The following ANKS1B variants were observed in gnomAD, a reference collection of about 807,000 sequenced individuals.
The protein encoded by ANKS1B is ankyrin repeat and sterile alpha motif domain containing 1B.
In ANKS1B, 36 loss-of-function variants were observed where a neutral mutation model predicts 148.3. That is an observed-to-expected ratio of 0.24 (90% CI 0.19 to 0.32). The LOEUF is 0.32. Ranked by LOEUF, ANKS1B falls within the 10% of genes least tolerant of loss-of-function variation. The pLI is 1.00. For synonymous variants in ANKS1B, 542 were observed against 560.8 expected (o/e 0.97, Z 0.47); for missense variants, 1,157 against 1,542.6 (o/e 0.75, Z 4.19).
At chr12:98,974,003 G>A (rs779959901) in intron 17 of ANKS1B, among the ~76,000 whole-genome samples, 45 of 152,164 alleles carry the variant, frequency 3.0e-4, no homozygotes, top group Non-Finnish European at 5.1e-4. Flanking sequence ...GTGGGGATGC[G>A]GGTCTTAAAA....
At chr12:99,913,272 C>T (rs1445678867) in intron 1 of ANKS1B, among the ~76,000 whole-genome samples, 3 of 152,044 alleles carry the variant, frequency 2.0e-5, no homozygotes, top group East Asian at 1.9e-4. Context: ...TTCATTTCCT[C>T]GATCTAGCCA....
intron 8 of ANKS1B, among the ~76,000 whole-genome samples, chr12:99,768,036 C>G (rs1324311922): frequency 6.6e-6 from 1 of 152,034 alleles, no homozygotes; most frequent in Non-Finnish European, 1.5e-5. Flanking sequence ...ACAACAAAAG[C>G]TAAACTGAAC....
chr12:99,880,704 C>T (rs1366558560), intron 1 of ANKS1B, among the ~76,000 whole-genome samples: 1 of 152,154 alleles, frequency 6.6e-6, no homozygotes, highest in African/African-American at 2.4e-5. Flanking sequence ...AAATCATTCA[C>T]TCTGATTATA....
intron 12 of ANKS1B, among the ~76,000 whole-genome samples, chr12:99,360,155 C>T (rs1421101584): frequency 6.6e-6 from 1 of 152,142 alleles, no homozygotes; most frequent in Non-Finnish European, 1.5e-5. Context: ...TGACTGGCAG[C>T]AAAATGCATT....
chr12:98,937,782 T>C (rs1452536326), intron 17 of ANKS1B, among the ~76,000 whole-genome samples: 1 of 152,136 alleles, frequency 6.6e-6, no homozygotes, highest in Non-Finnish European at 1.5e-5. Flanking sequence ...GGGCAATTTA[T>C]GAAGAAAAGA....
chr12:99,030,746 C>G (rs1180353206), intron 17 of ANKS1B, among the ~76,000 whole-genome samples: 1 of 152,172 alleles, frequency 6.6e-6, no homozygotes, highest in African/African-American at 2.4e-5. Context: ...CCAGTTGTCT[C>G]TCCATCATCT....
At chr12:98,994,766 T>C (rs2099928547) in intron 17 of ANKS1B, among the ~76,000 whole-genome samples, 2 of 152,142 alleles carry the variant, frequency 1.3e-5, no homozygotes. Flanking sequence ...TCTGAGCATG[T>C]TTATGTCCCA....
chr12:99,470,511 TTTC>T (rs1377314207), intron 10 of ANKS1B, among the ~76,000 whole-genome samples: 2 of 152,156 alleles, frequency 1.3e-5, no homozygotes, highest in Non-Finnish European at 2.9e-5. Flanking sequence ...AAGGTCATGG[TTTC>T]TTCATTAGTA....
intron 19 of ANKS1B, among the ~76,000 whole-genome samples, chr12:98,826,399 C>T (rs1173270190): frequency 1.3e-5 from 2 of 152,010 alleles, no homozygotes; most frequent in Non-Finnish European, 2.9e-5. Context: ...TTAAATTTAT[C>T]TCAATTTAAC....
intron 17 of ANKS1B, among the ~76,000 whole-genome samples, chr12:98,852,728 TG>T (rs1417691112): frequency 1.3e-5 from 2 of 152,186 alleles, no homozygotes; most frequent in Admixed American, 1.3e-4. Flanking sequence ...CGTATCTTTC[TG>T]CCACAAAGCC....
chr12:99,786,597 C>T (rs1009437857), intron 4 of ANKS1B, among the ~76,000 whole-genome samples: 2 of 152,136 alleles, frequency 1.3e-5, no homozygotes, highest in African/African-American at 4.8e-5. Flanking sequence ...GAATGCCTAA[C>T]CACAATTCTA....
chr12:99,964,021 A>G (rs2095452511), intron 1 of ANKS1B, among the ~76,000 whole-genome samples: 1 of 152,194 alleles, frequency 6.6e-6, no homozygotes, highest in Admixed American at 6.5e-5. Flanking sequence ...CACTTTGCTG[A>G]TAATTATGAT....
intron 15 of ANKS1B, among the ~76,000 whole-genome samples, chr12:99,120,918 T>C (rs2062635819): frequency 6.6e-6 from 1 of 152,068 alleles, no homozygotes; most frequent in South Asian, 2.1e-4. Context: ...CATTGCATAA[T>C]GGGAGAAGAA....
intron 17 of ANKS1B, among the ~76,000 whole-genome samples, chr12:98,920,713 C>T (rs1414279542): frequency 3.9e-5 from 6 of 152,192 alleles, no homozygotes; most frequent in Non-Finnish European, 8.8e-5. Context: ...TTACTAAGTA[C>T]ACAGAAAAAT....
chr12:99,603,020 T>C (rs1464259556), intron 9 of ANKS1B, among the ~76,000 whole-genome samples: 1 of 152,042 alleles, frequency 6.6e-6, no homozygotes, highest in Non-Finnish European at 1.5e-5. Flanking sequence ...CTCCTGATTA[T>C]TTACATAAAT....
chr12:98,794,099 T>C (rs1340457302), intron 22 of ANKS1B, among the ~76,000 whole-genome samples: 1 of 152,086 alleles, frequency 6.6e-6, no homozygotes, highest in East Asian at 1.9e-4. Context: ...TATTTAAAAG[T>C]GGTAATTCTT....
rs993428812 is a variant in ANKS1B at position 98,829,140 on chromosome 12, T to C, written c.3066+34A>G. ...TATTAAAAGGCATTACCTGATATGG[T>C]TGAAAAATATCACAAAGGCTTATAA... On this transcript the variant is annotated intron_variant, in intron 19 of 26. Transcript: ENST00000683438. The surrounding 1 kb of genome is among the most constrained non-coding windows in gnomAD (Gnocchi z 5.2). 3.1e-5 allele frequency: 50 copies of C among 1,612,992 alleles called. No homozygotes were observed. The highest frequency in any genetic ancestry group is 3.6e-5 in the Non-Finnish European group (43 of 1,179,330).
chr12:99,665,505 C>T lies in ANKS1B; in HGVS notation c.1129-10295G>A, dbSNP rs1395913653. Among the ~76,000 whole-genome samples, 9 of 150,222 alleles carry T rather than the reference C, an allele frequency of 6.0e-5. 1 individual carries two copies. The highest frequency in any genetic ancestry group is 1.2e-4 in the Non-Finnish European group (8 of 67,738). On this transcript the variant is annotated intron_variant, in intron 8 of 26. Transcript: ENST00000683438. ...TTCGACTTCTTTTTTTTTTTTTAGACGGAGTATCACTCTGTTGCCCAGGCT... is the reference window on the plus strand; with the variant it reads ...TTCGACTTCTTTTTTTTTTTTTAGATGGAGTATCACTCTGTTGCCCAGGCT...
At chr12:99,899,574 T>C (rs2093512966) in intron 1 of ANKS1B, among the ~76,000 whole-genome samples, 2 of 152,154 alleles carry the variant, frequency 1.3e-5, no homozygotes, top group South Asian at 4.1e-4. Context: ...CAATATGACA[T>C]TTAATCAATT....
Sources: allele counts gnomAD v4.1 joint callset (sites outside exome capture counted in the v4.1 genomes callset), GRCh38; gene constraint gnomAD v4.1.1; non-coding constraint Gnocchi (gnomAD v3.1); transcripts MANE v1.5; gene names NCBI Gene and HGNC (gene_info 2026-07-23, HGNC 2026-07-21).